SORCS2: variants seen among roughly 807,000 people sequenced by gnomAD.
The protein encoded by SORCS2 is VPS10 domain-containing receptor SorCS2.
Under a neutral mutation model 141.6 loss-of-function variants are expected in SORCS2, and 100 were observed. The observed-to-expected ratio is 0.71, with a 90% CI of 0.60 to 0.83. The LOEUF (loss-of-function observed/expected upper bound fraction) is 0.83, where lower values mean the gene tolerates loss of function less well. Among genes scored for constraint, SORCS2 ranks in the 40% least tolerant of loss-of-function variants. SORCS2 has a pLI of 0.00. For missense variants in SORCS2, 1,646 were observed against 1,560.2 expected (o/e 1.05, Z -0.93); for synonymous variants, 789 against 676.9 (o/e 1.17, Z -2.57).
chr4:7,378,103 T>A (rs1376182430), intron 1 of SORCS2, among the ~76,000 whole-genome samples: 1 of 152,250 alleles, frequency 6.6e-6, no homozygotes, highest in Non-Finnish European at 1.5e-5. Context: ...AAGCTGCATT[T>A]ATTTGTTACA....
intron 2 of SORCS2, among the ~76,000 whole-genome samples, chr4:7,491,318 G>T (rs1560328653): frequency 6.6e-6 from 1 of 152,186 alleles, no homozygotes; most frequent in East Asian, 1.9e-4. Flanking sequence ...GTGCTGGGTG[G>T]CCCTGAGGCT....
At chr4:7,598,226 C>T (rs1717417418) in intron 3 of SORCS2, among the ~76,000 whole-genome samples, 1 of 152,062 alleles carries the variant, frequency 6.6e-6, no homozygotes, top group African/African-American at 2.4e-5. Context: ...CTCAGCCTTC[C>T]AAAGTGCTGG....
At chr4:7,442,896 G>A (rs888194783) in intron 2 of SORCS2, among the ~76,000 whole-genome samples, 1 of 152,058 alleles carries the variant, frequency 6.6e-6, no homozygotes, top group African/African-American at 2.4e-5. Context: ...GAGTGTTGGC[G>A]GGGCCGTGCT....
At position 7,708,309 on chromosome 4, in the gene SORCS2, C is replaced by T. The variant is rs181200422; in HGVS notation, c.1868+4025C>T. Among the ~76,000 whole-genome samples, 13 of 152,276 alleles carry T rather than the reference C, an allele frequency of 8.5e-5. No individual in the cohort carries two copies. The East Asian group carries it at 1.2e-3, about 14-fold the overall frequency. ...AGCAGACAGACAGGTCCCGGCTGGCCTTCCCAGGCCATGCATTGTGGTGGG... is the reference window on the plus strand; with the variant it reads ...AGCAGACAGACAGGTCCCGGCTGGCTTTCCCAGGCCATGCATTGTGGTGGG... On this transcript the variant is annotated intron_variant, in intron 14 of 26. Coordinates refer to ENST00000507866, the MANE Select transcript of SORCS2 (RefSeq NM_020777.3).
At chr4:7,342,466 G>A (rs1560206499) in intron 1 of SORCS2, among the ~76,000 whole-genome samples, 5 of 152,204 alleles carry the variant, frequency 3.3e-5, no homozygotes, top group Admixed American at 6.5e-5. Flanking sequence ...ATCCGAGGGG[G>A]AAGCATGCCC....
chr4:7,235,044 A>C (rs542322085), intron 1 of SORCS2, among the ~76,000 whole-genome samples: 1 of 152,208 alleles, frequency 6.6e-6, no homozygotes, highest in African/African-American at 2.4e-5. Context: ...GAGGCTGAGC[A>C]TCTGGAGCTG....
intron 4 of SORCS2, among the ~76,000 whole-genome samples, chr4:7,647,906 G>C (rs1721183171): frequency 6.6e-6 from 1 of 152,384 alleles, no homozygotes; most frequent in East Asian, 1.9e-4. Flanking sequence ...CCGTGGTAAA[G>C]CTTTGCTGCT....
chr4:7,374,951 G>C (rs142790710), intron 1 of SORCS2, among the ~76,000 whole-genome samples: 29 of 152,202 alleles, frequency 1.9e-4, no homozygotes, highest in Non-Finnish European at 3.7e-4. Flanking sequence ...TTTGCTGTTG[G>C]GGTTGGGATT....
chr4:7,542,678 G>T (rs1712774952), intron 3 of SORCS2, among the ~76,000 whole-genome samples: 1 of 152,250 alleles, frequency 6.6e-6, no homozygotes, highest in Admixed American at 6.5e-5. Flanking sequence ...GCACCAGTGT[G>T]TGACACTTTG....
intron 2 of SORCS2, among the ~76,000 whole-genome samples, chr4:7,448,365 A>G (rs1358124946): frequency 6.6e-6 from 1 of 151,862 alleles, no homozygotes; most frequent in African/African-American, 2.4e-5. Context: ...CTGTAGTCCA[A>G]GGAAGGGTTT....
At chr4:7,465,174 G>A (rs1370500588) in intron 2 of SORCS2, among the ~76,000 whole-genome samples, 1 of 152,240 alleles carries the variant, frequency 6.6e-6, no homozygotes, top group Non-Finnish European at 1.5e-5. Context: ...GGGGATGGGC[G>A]CGGACCAGGC....
chr4:7,242,593 A>G (rs1356785510), intron 1 of SORCS2, among the ~76,000 whole-genome samples: 1 of 152,114 alleles, frequency 6.6e-6, no homozygotes, highest in Non-Finnish European at 1.5e-5. Context: ...CACCTGGGCT[A>G]TCATGTCCTT....
At chr4:7,291,178 G>T (rs1157666104) in intron 1 of SORCS2, among the ~76,000 whole-genome samples, 1 of 152,176 alleles carries the variant, frequency 6.6e-6, no homozygotes, top group Non-Finnish European at 1.5e-5. Flanking sequence ...GAGAGAAGGG[G>T]CTCGGATGAG....
chr4:7,573,798 G>A (rs1715550657), intron 3 of SORCS2, among the ~76,000 whole-genome samples: 1 of 152,216 alleles, frequency 6.6e-6, no homozygotes, highest in East Asian at 1.9e-4. Flanking sequence ...CATCTTTAGG[G>A]TACACAGTGG....
chr4:7,617,490 C>G (rs1379405962), intron 3 of SORCS2, among the ~76,000 whole-genome samples: 1 of 152,174 alleles, frequency 6.6e-6, no homozygotes, highest in African/African-American at 2.4e-5. Context: ...AATCTGCTGT[C>G]TGACGTCAAG....
intron 1 of SORCS2, among the ~76,000 whole-genome samples, chr4:7,197,765 G>A (rs1235037886): frequency 6.6e-6 from 1 of 152,226 alleles, no homozygotes; most frequent in African/African-American, 2.4e-5. Flanking sequence ...TGAGGCTGAA[G>A]AGTCCGTGTC....
chr4:7,590,569 C>A (rs564546727), intron 3 of SORCS2, among the ~76,000 whole-genome samples: 56 of 152,264 alleles, frequency 3.7e-4, no homozygotes, highest in African/African-American at 1.3e-3. Context: ...AAATTTGAGC[C>A]TCAAAGGTTC....
At chr4:7,685,040 A>G (rs1380197679) in intron 10 of SORCS2, among the ~76,000 whole-genome samples, 1 of 152,154 alleles carries the variant, frequency 6.6e-6, no homozygotes, top group African/African-American at 2.4e-5. Flanking sequence ...TGCTGATAAC[A>G]CCTGTCGACC....
At chr4:7,700,298 A>G (rs1343957203) in intron 12 of SORCS2, among the ~76,000 whole-genome samples, 1 of 152,216 alleles carries the variant, frequency 6.6e-6, no homozygotes, top group Non-Finnish European at 1.5e-5. Flanking sequence ...CAGGGCCTGA[A>G]ACTGGGCTCG....
Sources: allele counts gnomAD v4.1 joint callset (sites outside exome capture counted in the v4.1 genomes callset), GRCh38; gene constraint gnomAD v4.1.1; transcripts MANE v1.5; gene names NCBI Gene and HGNC (gene_info 2026-07-23, HGNC 2026-07-21).